JCAD: variants seen among roughly 807,000 people sequenced by gnomAD.
JCAD encodes junctional cadherin 5-associated protein.
A neutral mutation model predicts 98.0 loss-of-function variants in JCAD; 40 were observed. The ratio of observed to expected loss-of-function variants is 0.41; its 90% CI spans 0.32 to 0.53. JCAD has a LOEUF of 0.53. Ranked by LOEUF, JCAD falls within the 20% of genes least tolerant of loss-of-function variation. JCAD has a pLI of 0.31. For synonymous variants in JCAD, 691 were observed against 682.3 expected (o/e 1.01, Z -0.20); for missense variants, 1,705 against 1,738.1 (o/e 0.98, Z 0.34).
chr10:30,074,886 G>A lies in JCAD; in HGVS notation n.129-5065C>T, dbSNP rs147039407. Reference sequence around the variant, plus strand: ...TAGCTCACTGCAGCCTCAACCTCCTGGGCTCAAGCGATCCTCTTGCCTCAG... The same window carrying A: ...TAGCTCACTGCAGCCTCAACCTCCTAGGCTCAAGCGATCCTCTTGCCTCAG... On this transcript the variant is annotated intron_variant and non_coding_transcript_variant, in intron 1 of 2. Coordinates refer to the JCAD transcript ENST00000465712. Among the ~76,000 whole-genome samples, 121 of 152,150 alleles carry A rather than the reference G, an allele frequency of 8.0e-4. 1 individual carries two copies. In the East Asian group the frequency reaches 0.021, roughly 27 times the overall value.
intron 1 of JCAD, among the ~76,000 whole-genome samples, chr10:30,091,346 C>T (rs145008906): frequency 1.3e-5 from 2 of 152,044 alleles, no homozygotes; most frequent in Non-Finnish European, 2.9e-5. Flanking sequence ...CTTGGAGGGG[C>T]GTAGGAGGTA....
At position 30,027,742 on chromosome 10, in the gene JCAD, C is replaced by T; in HGVS notation, c.2406G>A (p.Val802=). 1.2e-6 allele frequency: 2 copies of T among 1,614,268 alleles called. No individual in the cohort carries two copies. Among genetic ancestry groups the T allele is most frequent in the Non-Finnish European group, 1.7e-6 (2 of 1,180,042 alleles). ...TGCAAGGGCCCGTGGGCTCCCCCTTCACCACCTCCCGCTTAGGCCCAGGGT... is the reference window on the plus strand; with the variant it reads ...TGCAAGGGCCCGTGGGCTCCCCCTTTACCACCTCCCGCTTAGGCCCAGGGT... ...GAHPGPKREV[V]KGEPTGPCNS... The change falls in exon 3 of 4, where the codon GTG becomes GTA. Residue 802 remains valine (V), a synonymous_variant. Transcript: ENST00000375377.
chr10:30,109,561 C>T (rs1165933874), intron 1 of JCAD, among the ~76,000 whole-genome samples: 1 of 152,126 alleles, frequency 6.6e-6, no homozygotes, highest in East Asian at 1.9e-4. Context: ...TGTCACTCTG[C>T]TCTCCTTGTG....
intron 1 of JCAD, among the ~76,000 whole-genome samples, chr10:30,049,131 T>G (rs1363892923): frequency 2.0e-5 from 3 of 152,140 alleles, no homozygotes; most frequent in Non-Finnish European, 4.4e-5. Flanking sequence ...AGTCTTCCCT[T>G]TGATGATAAG....
intron 1 of JCAD, among the ~76,000 whole-genome samples, chr10:30,090,903 A>G (rs1838251099): frequency 6.6e-6 from 1 of 152,224 alleles, no homozygotes; most frequent in Non-Finnish European, 1.5e-5. Context: ...TGCCAGCCGG[A>G]TGCAGGCAAA....
At position 30,028,236 on chromosome 10, in the gene JCAD, T is replaced by A. The variant is rs376187574; in HGVS notation, c.1912A>T (p.Thr638Ser). 1 of 1,614,082 alleles carries A rather than the reference T, an allele frequency of 6.2e-7. No individual in the cohort carries two copies. Among genetic ancestry groups the A allele is most frequent in the African/African-American group, 1.3e-5 (1 of 74,932 alleles). ...SSTDLELQAL[T>S]GSMGGRTEFQ... is the part of the protein sequence containing the mutation. ...TCCGTTCTCCCACCCATGCTTCCTGTGAGGGCCTGCAGCTCCAGGTCGGTG... is the reference window on the plus strand; with the variant it reads ...TCCGTTCTCCCACCCATGCTTCCTGAGAGGGCCTGCAGCTCCAGGTCGGTG... Residue 638 changes from threonine to serine, a missense_variant, in exon 3 of 4, where the codon ACA becomes TCA. Physicochemically the swap from Thr to Ser is moderately conservative, Grantham distance 58. Around this residue, in one of 3 missense-constraint regions of JCAD, gnomAD observed 1,278 missense variants for 1,243.1 expected, o/e 1.03. Transcript: ENST00000375377.
chr10:30,061,679 G>A (rs1000382222), upstream of JCAD, among the ~76,000 whole-genome samples: 2 of 152,078 alleles, frequency 1.3e-5, no homozygotes, highest in Admixed American at 1.3e-4. Flanking sequence ...AGACACAAAG[G>A]CTGGGAAAAT....
chr10:30,107,506 C>T (rs116132942), intron 1 of JCAD, among the ~76,000 whole-genome samples: 2,815 of 152,298 alleles, frequency 0.018, 83 homozygotes, highest in African/African-American at 0.063. Context: ...AAATTGCCCA[C>T]CCCTTTCCTG....
intron 1 of JCAD, among the ~76,000 whole-genome samples, chr10:30,110,260 G>A (rs1053643345): frequency 9.4e-5 from 14 of 148,484 alleles, no homozygotes; most frequent in African/African-American, 3.5e-4. Context: ...GGACCCCTGA[G>A]GTATGGGCCA....
chr10:30,058,842 G>A (rs1837636895), intron 1 of JCAD, among the ~76,000 whole-genome samples: 1 of 152,160 alleles, frequency 6.6e-6, no homozygotes, highest in African/African-American at 2.4e-5. Context: ...GGAGCCGGGC[G>A]GCCCCGGGCA....
intron 1 of JCAD, among the ~76,000 whole-genome samples, chr10:30,054,579 A>ATT (rs1837529835): frequency 6.6e-6 from 1 of 150,568 alleles, no homozygotes; most frequent in Admixed American, 6.6e-5. Context: ...ATATTAACAT[A>ATT]TTACATAACT....
At chr10:30,108,096 T>A (rs1838618951) in intron 1 of JCAD, among the ~76,000 whole-genome samples, 1 of 152,046 alleles carries the variant, frequency 6.6e-6, no homozygotes, top group African/African-American at 2.4e-5. Context: ...GTGGATCACT[T>A]GAGGTCATGA....
intron 1 of JCAD, among the ~76,000 whole-genome samples, chr10:30,091,293 A>T (rs1442840861): frequency 6.6e-6 from 1 of 152,220 alleles, no homozygotes; most frequent in Non-Finnish European, 1.5e-5. Flanking sequence ...TGAGAGGATA[A>T]AGATAGGTTA....
intron 1 of JCAD, among the ~76,000 whole-genome samples, chr10:30,086,863 T>C (rs954612234): frequency 2.0e-5 from 3 of 152,256 alleles, no homozygotes; most frequent in Non-Finnish European, 2.9e-5. Context: ...TATTTTTCTC[T>C]TTTTTAAAAG....
rs938982804 is a variant in JCAD, at chr10:30,059,076, A to G, written c.-60+406T>C. Among the ~76,000 whole-genome samples, 2 of 151,818 alleles carry G rather than the reference A, an allele frequency of 1.3e-5. No individual in the cohort carries two copies. The highest frequency in any genetic ancestry group is 2.9e-5 in the Non-Finnish European group (2 of 67,902). On this transcript the variant is annotated intron_variant, in intron 1 of 3. Coordinates refer to ENST00000375377, the MANE Select transcript of JCAD (RefSeq NM_020848.4). The surrounding 1 kb of genome is among the most constrained non-coding windows in gnomAD (Gnocchi z 5.0). ...GAGGGCGCGGGAGGGGTTGGTGGAC[A>G]CAGGCTGGGGAGGGCGACTTCGAGA...
chr10:30,058,181 T>C (rs1454278447), intron 1 of JCAD, among the ~76,000 whole-genome samples: 1 of 152,152 alleles, frequency 6.6e-6, no homozygotes, highest in Non-Finnish European at 1.5e-5. Context: ...CTATTCCTTG[T>C]AAATCTGAAA....
At chr10:30,018,537 T>C (rs1257060171) in intron 3 of JCAD, among the ~76,000 whole-genome samples, 1 of 152,118 alleles carries the variant, frequency 6.6e-6, no homozygotes, top group African/African-American at 2.4e-5. Context: ...GTCTGGCCCC[T>C]CACGCACTGA....
chr10:30,063,057 T>C (rs1170263425), upstream of JCAD, among the ~76,000 whole-genome samples: 2 of 151,810 alleles, frequency 1.3e-5, no homozygotes, highest in Admixed American at 1.3e-4. Flanking sequence ...GAAACAAGCC[T>C]AACCTCCTAA....
intron 2 of JCAD, among the ~76,000 whole-genome samples, chr10:30,030,122 G>A (rs117066019): frequency 7.9e-5 from 12 of 152,330 alleles, no homozygotes; most frequent in Non-Finnish European, 1.5e-4. Flanking sequence ...GTACTCCAGC[G>A]ATGTCAAGGT....
Sources: gnomAD v4.1 joint callset for allele counts (sites outside exome capture counted in the v4.1 genomes callset) on GRCh38, gnomAD v4.1.1 for gene constraint, gnomAD v4.1.1 regional missense constraint, Gnocchi (gnomAD v3.1) non-coding constraint, MANE v1.5 for transcripts, NCBI Gene and HGNC (gene_info 2026-07-23, HGNC 2026-07-21) for gene names.